The following RPAP2 variants were observed in gnomAD, a reference collection of about 807,000 sequenced individuals.
RPAP2 encodes the protein putative RNA polymerase II subunit B1 CTD phosphatase RPAP2.
Under a neutral mutation model 73.1 loss-of-function variants are expected in RPAP2, and 52 were observed. The ratio of observed to expected loss-of-function variants is 0.71; its 90% CI spans 0.57 to 0.90. The LOEUF (loss-of-function observed/expected upper bound fraction) is 0.90. Ranked by LOEUF, RPAP2 falls within the 40% of genes least tolerant of loss-of-function variation. The pLI, the probability that RPAP2 is intolerant of heterozygous loss-of-function variation, is 0.00. For synonymous variants in RPAP2, 225 were observed against 242.1 expected (o/e 0.93, Z 0.65); for missense variants, 598 against 701.8 (o/e 0.85, Z 1.67).
rs1406897432 is a variant in RPAP2 at position 92,400,135 on chromosome 1, G to C, written c.*13124G>C. On this transcript the variant is annotated 3_prime_UTR_variant, in exon 13 of 13. Coordinates refer to ENST00000610020, the MANE Select transcript of RPAP2 (RefSeq NM_024813.3). Reference sequence around the variant, plus strand: ...CAAAAAGCCCAATGAGCTCTGGAGAGAGAGAGGGAGCTAAAACAGGACTCA... The same window carrying C: ...CAAAAAGCCCAATGAGCTCTGGAGACAGAGAGGGAGCTAAAACAGGACTCA... 1 of 152,246 alleles carries C rather than the reference G, an allele frequency of 6.6e-6. No individual in the cohort carries two copies. Among genetic ancestry groups the C allele is most frequent in the Non-Finnish European group, 1.5e-5 (1 of 68,070 alleles). The allele number at this position is 152,246 out of a possible 1,614,324, so 9.4% of individuals were successfully genotyped here.
At chr1:92,374,053 G>A (rs1375712281) in intron 11 of RPAP2, among the ~76,000 whole-genome samples, 1 of 152,190 alleles carries the variant, frequency 6.6e-6, no homozygotes, top group Non-Finnish European at 1.5e-5. Context: ...TAGCATGAAA[G>A]CAACTATGGA....
At chr1:92,327,408 T>C (rs2101198035) in intron 8 of RPAP2, among the ~76,000 whole-genome samples, 1 of 152,394 alleles carries the variant, frequency 6.6e-6, no homozygotes, top group African/African-American at 2.4e-5. Context: ...TATCATTGTA[T>C]AATGTCCCTC....
intron 6 of RPAP2, among the ~76,000 whole-genome samples, chr1:92,312,976 A>G (rs1008774695): frequency 6.6e-6 from 1 of 151,916 alleles, no homozygotes; most frequent in African/African-American, 2.4e-5. Context: ...AGCGATTCTC[A>G]TGCCTCAGCC....
intron 6 of RPAP2, among the ~76,000 whole-genome samples, chr1:92,317,335 C>T (rs193127080): frequency 8.5e-5 from 13 of 152,120 alleles, no homozygotes; most frequent in African/African-American, 2.9e-4. Flanking sequence ...GGTGAAACCC[C>T]ATCTCTACTA....
intron 8 of RPAP2, 34 bp from the exon 9 acceptor site, chr1:92,333,357 A>T: frequency 6.6e-7 from 1 of 1,507,446 alleles, no homozygotes; most frequent in Non-Finnish European, 9.2e-7. Flanking sequence ...TAAACTTATG[A>T]TTCTGTTTTG....
In RPAP2 at chr1:92,353,314, G is replaced by A. The variant is rs193152144; in HGVS notation, c.1688+7400G>A. ...ATCATTTTACATTTCCACTAGCAAA[G>A]TATGAGGGCTCCAAAGATTGAACTT... On this transcript the variant is annotated intron_variant, in intron 11 of 12. Coordinates refer to ENST00000610020, the MANE Select transcript of RPAP2 (RefSeq NM_024813.3). Among the ~76,000 whole-genome samples, 37 of 152,270 alleles carry A rather than the reference G, an allele frequency of 2.4e-4. No individual in the cohort carries two copies. In the East Asian group the frequency reaches 5.0e-3, roughly 21 times the overall value.
intron 8 of RPAP2, 31 bp from the exon 9 acceptor site, chr1:92,333,360 C>G (rs1653086014): frequency 1.3e-6 from 2 of 1,519,252 alleles, no homozygotes; most frequent in Middle Eastern, 1.7e-4. Flanking sequence ...ACTTATGATT[C>G]TGTTTTGCTT....
In RPAP2 at chr1:92,392,273, C is replaced by T. The variant is rs574021141; in HGVS notation, c.*5262C>T. On this transcript the variant is annotated 3_prime_UTR_variant, in exon 13 of 13. Transcript: ENST00000610020. The stretch of plus-strand genomic sequence containing the variant: ...TAATCCATCACATAAACAGAACCAA[C>T]GGCAAAAACCACATGATTATCTCAA... 24 of 152,156 alleles carry T rather than the reference C, an allele frequency of 1.6e-4. 1 individual carries two copies. Among genetic ancestry groups the T allele is most frequent in the Middle Eastern group, 3.4e-3 (1 of 294 alleles). The allele number at this position is 152,156 out of a possible 1,614,324, so 9.4% of individuals were successfully genotyped here.
chr1:92,360,821 C>T (rs1325845571), intron 11 of RPAP2, among the ~76,000 whole-genome samples: 1 of 152,052 alleles, frequency 6.6e-6, no homozygotes, highest in Non-Finnish European at 1.5e-5. Flanking sequence ...ATTACTGTTA[C>T]ATTCATTACT....
At chr1:92,358,999 C>G (rs1654617159) in intron 11 of RPAP2, among the ~76,000 whole-genome samples, 1 of 152,228 alleles carries the variant, frequency 6.6e-6, no homozygotes, top group South Asian at 2.1e-4. Flanking sequence ...AAGAGCAAGT[C>G]TGCTCTCAGT....
intron 8 of RPAP2, among the ~76,000 whole-genome samples, chr1:92,329,390 A>G (rs900714706): frequency 5.9e-5 from 9 of 152,312 alleles, no homozygotes; most frequent in Middle Eastern, 3.4e-3. Context: ...TGGCAACCAC[A>G]GGCCTCACCC....
intron 10 of RPAP2, among the ~76,000 whole-genome samples, chr1:92,338,898 C>T (rs1459192935): frequency 6.6e-6 from 1 of 152,100 alleles, no homozygotes; most frequent in Non-Finnish European, 1.5e-5. Context: ...GCAAGAGCCA[C>T]AGCTCCTGAC....
chr1:92,312,103 C>T (rs1240972480), intron 6 of RPAP2, among the ~76,000 whole-genome samples: 1 of 152,124 alleles, frequency 6.6e-6, no homozygotes, highest in Non-Finnish European at 1.5e-5. Context: ...TTACCCACAG[C>T]AGAACATCTT....
chr1:92,365,267 A>G (rs999390698), intron 11 of RPAP2, among the ~76,000 whole-genome samples: 4 of 152,242 alleles, frequency 2.6e-5, no homozygotes, highest in Non-Finnish European at 4.4e-5. Context: ...ATTTCTTCCA[A>G]AAGTGTAGTT....
intron 8 of RPAP2, among the ~76,000 whole-genome samples, chr1:92,325,075 G>A (rs1347127379): frequency 1.3e-5 from 2 of 152,104 alleles, no homozygotes; most frequent in Non-Finnish European, 2.9e-5. Flanking sequence ...TTGGTACTCA[G>A]TAAATAGTAC....
chr1:92,371,845 T>C (rs1423379395), intron 11 of RPAP2, among the ~76,000 whole-genome samples: 3 of 147,754 alleles, frequency 2.0e-5, no homozygotes, highest in Non-Finnish European at 3.0e-5. Context: ...TGAGCTCCGA[T>C]TGCACCACTG....
chr1:92,377,393 C>T (rs1404279765), intron 11 of RPAP2, among the ~76,000 whole-genome samples: 1 of 151,998 alleles, frequency 6.6e-6, no homozygotes, highest in Admixed American at 6.6e-5. Flanking sequence ...GTGGCACACG[C>T]CTGTAGTCCA....
At chr1:92,305,049 C>G (rs534684652) in intron 5 of RPAP2, among the ~76,000 whole-genome samples, 2 of 151,786 alleles carry the variant, frequency 1.3e-5, no homozygotes, top group South Asian at 2.1e-4. Context: ...GCACATGCAT[C>G]GCATGAACCT....
intron 5 of RPAP2, among the ~76,000 whole-genome samples, chr1:92,305,432 C>CAAAA (rs71091273): frequency 0.18 from 9,551 of 52,514 alleles, 1,333 homozygotes; most frequent in South Asian, 0.3. Flanking sequence ...GGCTCCGTCT[C>CAAAA]AAAAAAAAAA....
Sources: gnomAD v4.1 joint callset for allele counts (sites outside exome capture counted in the v4.1 genomes callset) on GRCh38, gnomAD v4.1.1 for gene constraint, MANE v1.5 for transcripts, NCBI Gene and HGNC (gene_info 2026-07-23, HGNC 2026-07-21) for gene names.